The following NUDT6 variants were observed in gnomAD, a reference collection of about 807,000 sequenced individuals.
The protein encoded by NUDT6 is FAD diphosphatase NUDT6.
A neutral mutation model predicts 36.8 loss-of-function variants in NUDT6; 24 were observed. The observed-to-expected ratio is 0.65, with a 90% CI of 0.47 to 0.92. NUDT6 has a LOEUF of 0.92. NUDT6 is among the 40% of genes least tolerant of loss of function. NUDT6 has a pLI of 0.00. For synonymous variants in NUDT6, 163 were observed against 157.0 expected, an observed-to-expected ratio of 1.04 and a Z score of -0.29; for missense variants, 388 against 392.8, an observed-to-expected ratio of 0.99 and a Z score of 0.10.
In NUDT6 at chr4:122,893,076, T is replaced by C. The variant is rs753188971; in HGVS notation, c.703A>G (p.Thr235Ala). Reference protein sequence around the residue: ...IICRLKPYSFTINFCQEECLR... With the variant: ...IICRLKPYSFAINFCQEECLR... ...CATTCTTCCTGGCAAAAATTTATGG[T>C]GAATGAATATGGCTTTAGGCGGCAG... is the stretch of plus-strand genomic sequence containing the variant. The change falls in exon 5 of 5, where the codon ACC (threonine) becomes GCC (alanine). Residue 235 changes from threonine to alanine, a missense_variant. Thr to Ala is a moderately conservative substitution (Grantham distance 58). Coordinates refer to ENST00000304430, the MANE Select transcript of NUDT6 (RefSeq NM_007083.5). The C allele has an allele frequency of 5.6e-6, 9 of 1,614,038 alleles. No individual in the cohort carries two copies. The highest frequency in any genetic ancestry group is 2.7e-5 in the African/African-American group (2 of 74,914).
chr4:122,892,934 A>G lies in NUDT6; in HGVS notation c.845T>C (p.Ile282Thr), dbSNP rs377283871. Residue 282 changes from isoleucine (I) to threonine (T), a missense_variant, in exon 5 of 5, where the codon ATT becomes ACT. Ile to Thr is a moderately conservative substitution (Grantham distance 89). Transcript: ENST00000304430. Reference protein sequence around the residue: ...LYGYREGFDKIDLTVEELPAV... With the variant: ...LYGYREGFDKTDLTVEELPAV... ...TGGAAGTTCTTCCACAGTCAGGTCA[A>G]TTTTGTCAAACCCTTCTCTGTACCC... 6.2e-7 allele frequency: 1 copy of G among 1,614,182 alleles called. No homozygotes were observed. Among genetic ancestry groups the G allele is most frequent in the Non-Finnish European group, 8.5e-7 (1 of 1,180,020 alleles).
At chr4:122,914,725 C>A (rs559889020) in intron 2 of NUDT6, among the ~76,000 whole-genome samples, 1 of 152,082 alleles carries the variant, frequency 6.6e-6, no homozygotes, top group Non-Finnish European at 1.5e-5. Flanking sequence ...ACTGAAACTT[C>A]TCTCTCAGAA....
Position 122,912,324 on chromosome 4 carries a change from C to G in NUDT6, c.498+244G>C, listed in dbSNP as rs1305580401. On this transcript the variant is annotated intron_variant, in intron 3 of 4. Coordinates refer to ENST00000304430, the MANE Select transcript of NUDT6 (RefSeq NM_007083.5). The stretch of plus-strand genomic sequence containing the variant: ...ACTTGTCTTCCCAATTAAATACAGT[C>G]ATTTATAATTTTCCTTTAGCCATAA... Among the ~76,000 whole-genome samples the G allele has an allele frequency of 2.6e-5, 4 of 152,268 alleles. No individual in the cohort carries two copies. In the South Asian group the frequency reaches 8.3e-4, roughly 32 times the overall value.
intron 3 of NUDT6, among the ~76,000 whole-genome samples, chr4:122,900,109 C>T (rs901380767): frequency 7.5e-6 from 1 of 133,452 alleles, no homozygotes. Flanking sequence ...GTCCTGTGCG[C>T]CAACGGTTAA....
At chr4:122,915,483 A>AAC (rs1553952473) in intron 2 of NUDT6, among the ~76,000 whole-genome samples, 1,771 of 42,908 alleles carry the variant, frequency 0.041, 43 homozygotes, top group East Asian at 0.26. Flanking sequence ...AAAAAAAAAA[A>AAC]AAAAAAAAAA....
Position 122,892,929 on chromosome 4 carries a change from G to T in NUDT6, c.850C>A (p.Leu284Met), listed in dbSNP as rs555602769. 4.3e-6 allele frequency: 7 copies of T among 1,614,140 alleles called. No individual in the cohort carries two copies. The African/African-American group carries it at 9.3e-5, about 22-fold the overall frequency. Residue 284 changes from leucine (L) to methionine (M), a missense_variant, in exon 5 of 5, where the codon CTG becomes ATG. Physicochemically the swap from Leu to Met is conservative, Grantham distance 15 (BLOSUM62 2). Transcript: ENST00000304430. ...GYREGFDKIDLTVEELPAVYT... is the reference protein window; with the variant it reads ...GYREGFDKIDMTVEELPAVYT... ...ACTGCTGGAAGTTCTTCCACAGTCA[G>T]GTCAATTTTGTCAAACCCTTCTCTG...
At chr4:122,922,263 G>A in intron 1 of NUDT6, 72 bp downstream of exon 1, 2 of 1,327,454 alleles carry the variant, frequency 1.5e-6, no homozygotes, top group Non-Finnish European at 2.1e-6. Context: ...AGCGACTAGG[G>A]AGTGGGGGCC....
At chr4:122,906,993 C>G (rs180943735) in intron 3 of NUDT6, among the ~76,000 whole-genome samples, 1 of 152,122 alleles carries the variant, frequency 6.6e-6, no homozygotes, top group Non-Finnish European at 1.5e-5. Context: ...CCCTCAGTTC[C>G]GGGAATTGCC....
chr4:122,909,154 C>T (rs1290927422), intron 3 of NUDT6, among the ~76,000 whole-genome samples: 1 of 151,920 alleles, frequency 6.6e-6, no homozygotes, highest in Non-Finnish European at 1.5e-5. Flanking sequence ...TAGCCTTGAC[C>T]TTCCAGGCTC....
At chr4:122,910,604 T>C (rs1009500226) in intron 3 of NUDT6, among the ~76,000 whole-genome samples, 1 of 152,134 alleles carries the variant, frequency 6.6e-6, no homozygotes, top group Admixed American at 6.5e-5. Context: ...CAGTGTGCTA[T>C]TTAAAAAACC....
chr4:122,920,143 C>T (rs1348768081), intron 1 of NUDT6: 1 of 152,104 alleles, frequency 6.6e-6, no homozygotes, highest in Non-Finnish European at 1.5e-5. Context: ...ACTTCTTAGT[C>T]CATAAAGACT....
At chr4:122,914,726 T>C (rs1727796569) in intron 2 of NUDT6, among the ~76,000 whole-genome samples, 1 of 152,064 alleles carries the variant, frequency 6.6e-6, no homozygotes. Flanking sequence ...CTGAAACTTC[T>C]CTCTCAGAAG....
rs1727219539 is a variant in NUDT6 at position 122,892,680 on chromosome 4, T to C, written c.*148A>G. The C allele has an allele frequency of 3.6e-6, 5 of 1,374,614 alleles. No homozygotes were observed. Among genetic ancestry groups the C allele is most frequent in the Admixed American group, 3.0e-5 (1 of 33,770 alleles). 85.2% of individuals were successfully genotyped at this position (1,374,614 alleles called of 1,614,324 possible). A position where few individuals can be genotyped will look rare whatever the true frequency, so the allele number is the denominator to read the frequency against. On this transcript the variant is annotated 3_prime_UTR_variant, in exon 5 of 5. Coordinates refer to ENST00000304430, the MANE Select transcript of NUDT6 (RefSeq NM_007083.5). ...CATTTGCTTTATTCGAAAAGAGGCT[T>C]TTAAAATGTGCATGTTTAGAAACAA...
chr4:122,893,038 C>T lies in NUDT6; in HGVS notation c.741G>A (p.Glu247=). 6.2e-7 allele frequency: 1 copy of T among 1,614,152 alleles called. No individual in the cohort carries two copies. Among genetic ancestry groups the T allele is most frequent in the East Asian group, 2.2e-5 (1 of 44,882 alleles). ...TCGCCAGGTCATTGAGATCCATCCACTCACATCTTAAGCATTCTTCCTGGC... is the reference window on the plus strand; with the variant it reads ...TCGCCAGGTCATTGAGATCCATCCATTCACATCTTAAGCATTCTTCCTGGC... ...NFCQEECLRC[E]WMDLNDLAKT... The change falls in exon 5 of 5, where the codon GAG becomes GAA. Residue 247 remains glutamate (E), a synonymous_variant. Coordinates refer to ENST00000304430, the MANE Select transcript of NUDT6 (RefSeq NM_007083.5).
Position 122,915,481 on chromosome 4 carries a change from A to AAACAAAAAC in NUDT6, c.442+2019_442+2020insGTTTTTGTT, listed in dbSNP as rs1363864812. 1.0e-3 allele frequency among the ~76,000 whole-genome samples: 106 copies of AAACAAAAAC among 101,046 alleles called. 2 individuals are homozygous for AAACAAAAAC. The highest frequency in any genetic ancestry group is 2.9e-3 in the African/African-American group (104 of 35,408). 66.3% of individuals were successfully genotyped at this position (101,046 alleles called of 152,430 possible). A position where few individuals can be genotyped will look rare whatever the true frequency, so the allele number is the denominator to read the frequency against. Reference sequence around the variant, plus strand: ...TGAGACCCTGCCTCAAAAAAAAAAAAAAAAAAAAAAAAAAAAACAACTCTG... The same window carrying AAACAAAAAC: ...TGAGACCCTGCCTCAAAAAAAAAAAAAACAAAAACAAAAAAAAAAAAAAAAACAACTCTG... On this transcript the variant is annotated intron_variant, in intron 2 of 4. Coordinates refer to ENST00000304430, the MANE Select transcript of NUDT6 (RefSeq NM_007083.5).
chr4:122,908,043 T>TA (rs59338108), intron 3 of NUDT6, among the ~76,000 whole-genome samples: 24,400 of 152,064 alleles, frequency 0.16, 2,382 homozygotes, highest in African/African-American at 0.27. Context: ...CTGTGAATTG[T>TA]AACTAAAAAT....
At chr4:122,917,946 C>T (rs1022914483) in intron 1 of NUDT6, 3 of 487,072 alleles carry the variant, frequency 6.2e-6, no homozygotes, top group Non-Finnish European at 1.1e-5. Flanking sequence ...ACCTTTATAT[C>T]CATACCACCA....
intron 1 of NUDT6, chr4:122,920,449 A>G (rs1297519574): frequency 1.3e-5 from 2 of 152,380 alleles, no homozygotes; most frequent in South Asian, 4.1e-4. Flanking sequence ...TATTGAAAAA[A>G]TATAACAAGT....
At chr4:122,920,353 A>C (rs778087940) in intron 1 of NUDT6, 1 of 152,218 alleles carries the variant, frequency 6.6e-6, no homozygotes, top group Non-Finnish European at 1.5e-5. Flanking sequence ...TAATAATGCT[A>C]TCTACCTCAA....
Sources: gnomAD v4.1 joint callset for allele counts (sites outside exome capture counted in the v4.1 genomes callset) on GRCh38, gnomAD v4.1.1 for gene constraint, MANE v1.5 for transcripts, NCBI Gene and HGNC (gene_info 2026-07-23, HGNC 2026-07-21) for gene names.